EHMT2: variants seen among roughly 807,000 people sequenced by gnomAD.
EHMT2 encodes euchromatic histone lysine methyltransferase 2.
A neutral mutation model predicts 143.3 loss-of-function variants in EHMT2; 59 were observed. That is an observed-to-expected ratio of 0.41 (90% confidence interval 0.33 to 0.51). The LOEUF (loss-of-function observed/expected upper bound fraction) is 0.51, where lower values mean the gene tolerates loss of function less well. Ranked by LOEUF, EHMT2 falls within the 20% of genes least tolerant of loss-of-function variation. EHMT2 has a pLI of 0.18. For missense variants in EHMT2, 1,174 were observed against 1,645.9 expected (o/e 0.71, Z 4.96); for synonymous variants, 604 against 651.5 (o/e 0.93, Z 1.11).
chr6:31,896,324 G>A (rs766143897), exon 4 of EHMT2: 2 of 1,612,966 alleles, frequency 1.2e-6, no homozygotes, highest in Middle Eastern at 3.3e-4. Flanking sequence ...CTGTCCCTCT[G>A]GGCTCGTGGT....
Position 31,881,516 on chromosome 6 carries a change from T to A in EHMT2, c.3198-424A>T. 1 of 258,602 alleles carries A rather than the reference T, an allele frequency of 3.9e-6. No homozygotes were observed. The highest frequency in any genetic ancestry group is 5.4e-5 in the South Asian group (1 of 18,484). 16.0% of individuals were successfully genotyped at this position (258,602 alleles called of 1,614,324 possible). On this transcript the variant is annotated intron_variant, in intron 25 of 27. Transcript: ENST00000375537. This position sits in a 1 kb window ranked among gnomAD's most constrained non-coding sequence, Gnocchi z 4.8. ...GATTCGGGGCAAGAGCACCCACACA[T>A]ATCTGGACACCAGAGGGAGGAGAGG...
exon 7 of EHMT2, chr6:31,892,560 T>A (rs535586): frequency 6.2e-7 from 1 of 1,612,696 alleles, no homozygotes; most frequent in East Asian, 2.2e-5. Context: ...CTAACTCCTC[T>A]GACTAGAAAA....
Position 31,888,614 on chromosome 6 carries a change from C to G in EHMT2, c.1350G>C (p.Glu450Asp), listed in dbSNP as rs547949077. The change falls in exon 11 of 28, where the codon GAG becomes GAC. Residue 450 changes from glutamate to aspartate, a missense_variant. Coordinates refer to ENST00000375537, the Ensembl canonical transcript of EHMT2. The surrounding 1 kb of genome is among the most constrained non-coding windows in gnomAD (Gnocchi z 7.4). ...ACGGCCCCACCTCTCCGTCCACACT[C>G]TCAGTGGCCATGCACTTGTGCCCCG... The G allele has an allele frequency of 3.1e-6, 5 of 1,613,218 alleles. No homozygotes were observed. The Admixed American group carries it at 6.7e-5, about 22-fold the overall frequency.
intron 3 of EHMT2, 44 bp downstream of exon 3, chr6:31,896,562 G>A (rs1314863509): frequency 1.9e-6 from 3 of 1,600,518 alleles, no homozygotes; most frequent in Non-Finnish European, 2.6e-6. Flanking sequence ...GAAGGCAAGA[G>A]TCAGAAATTT....
In EHMT2 at chr6:31,884,359, G is replaced by C. The variant is rs1236843231; in HGVS notation, c.2771+33C>G. On this transcript the variant is annotated intron_variant, in intron 21 of 27. Coordinates refer to ENST00000375537, the Ensembl canonical transcript of EHMT2. The surrounding 1 kb of genome is among the most constrained non-coding windows in gnomAD (Gnocchi z 7.3). Reference sequence around the variant, plus strand: ...GGGAGGGTATGGGTGGGGAGGAGGTGGTCTTGGGTGCAGAGAGGGGCCCAG... The same window carrying C: ...GGGAGGGTATGGGTGGGGAGGAGGTCGTCTTGGGTGCAGAGAGGGGCCCAG... 7 of 1,591,272 alleles carry C rather than the reference G, an allele frequency of 4.4e-6. No homozygotes were observed. In the East Asian group the frequency reaches 6.7e-5, roughly 15 times the overall value.
intron 1 of EHMT2, 44 bp downstream of exon 1, chr6:31,897,591 CG>C (rs1331952057): frequency 1.8e-6 from 2 of 1,108,546 alleles, no homozygotes; most frequent in Non-Finnish European, 1.1e-6. Context: ...TTCCCCCGGG[CG>C]CGCGCGCGGG....
Position 31,883,993 on chromosome 6 carries a change from G to C in EHMT2, c.2772-43C>G. On this transcript the variant is annotated intron_variant, in intron 21 of 27. Coordinates refer to ENST00000375537, the Ensembl canonical transcript of EHMT2. The surrounding 1 kb of genome is among the most constrained non-coding windows in gnomAD (Gnocchi z 5.6). ...AAGGGGCTGGGAAGCTGGAAAAGGG[G>C]GTGAGGAGCTACTCCAGGTATAAGG... 1 of 1,604,352 alleles carries C rather than the reference G, an allele frequency of 6.2e-7. No homozygotes were observed. The highest frequency in any genetic ancestry group is 8.5e-7 in the Non-Finnish European group (1 of 1,174,218).
rs1425620398 is a variant in EHMT2 at position 31,884,334 on chromosome 6, G to A, written c.2771+58C>T. Reference sequence around the variant, plus strand: ...TGTTGTGAGGATGCAATGGAGCCTGGGGAGGGTATGGGTGGGGAGGAGGTG... The same window carrying A: ...TGTTGTGAGGATGCAATGGAGCCTGAGGAGGGTATGGGTGGGGAGGAGGTG... On this transcript the variant is annotated intron_variant, in intron 21 of 27. Transcript: ENST00000375537. This position sits in a 1 kb window ranked among gnomAD's most constrained non-coding sequence, Gnocchi z 7.3. 1.3e-6 allele frequency: 2 copies of A among 1,555,040 alleles called. No individual in the cohort carries two copies. The highest frequency in any genetic ancestry group is 1.3e-5 in the African/African-American group (1 of 74,210).
Position 31,883,259 on chromosome 6 carries a change from A to G in EHMT2, c.2994+103T>C, listed in dbSNP as rs1266963848. ...CAGTCCTCTCAGTCACTTCCCCCAC[A>G]GGGTAGGAGGTGAGGGACATGGTCC... On this transcript the variant is annotated intron_variant, in intron 23 of 27. Coordinates refer to ENST00000375537, the Ensembl canonical transcript of EHMT2. The surrounding 1 kb of genome is among the most constrained non-coding windows in gnomAD (Gnocchi z 5.6). 1 of 1,210,666 alleles carries G rather than the reference A, an allele frequency of 8.3e-7. No individual in the cohort carries two copies. Among genetic ancestry groups the G allele is most frequent in the East Asian group, 2.5e-5 (1 of 40,164 alleles). The allele number at this position is 1,210,666 out of a possible 1,614,324, so 75.0% of individuals were successfully genotyped here. A position where few individuals can be genotyped will look rare whatever the true frequency, so the allele number is the denominator to read the frequency against.
intron 1 of EHMT2, chr6:31,897,273 G>A: frequency 1.2e-6 from 1 of 840,104 alleles, no homozygotes; most frequent in East Asian, 3.4e-5. Context: ...CCTCCTCCCG[G>A]CTGCACGCGC....
At chr6:31,890,130 T>G (rs1216751013) in intron 7 of EHMT2, among the ~76,000 whole-genome samples, 1 of 152,168 alleles carries the variant, frequency 6.6e-6, no homozygotes, top group Non-Finnish European at 1.5e-5. Flanking sequence ...CCTCTAGATC[T>G]ATCAGTTTAC....
intron 18 of EHMT2, chr6:31,886,317 G>T (rs968242909): frequency 1.9e-6 from 1 of 520,964 alleles, no homozygotes; most frequent in Middle Eastern, 5.1e-4. Context: ...CACATCCAAT[G>T]TATGACAACC....
chr6:31,887,845 A>C, exon 14 of EHMT2: 3 of 1,610,710 alleles, frequency 1.9e-6, no homozygotes, highest in South Asian at 2.2e-5. Flanking sequence ...TGGCAGCCCC[A>C]CGGCTGAAAG....
At position 31,888,035 on chromosome 6, in the gene EHMT2, C is replaced by T; in HGVS notation, c.1745+6G>A. ...AACAGACAGTACAGAAGGGGGAGGC[C>T]AGTACCTGGGCTGAGAAGTGTCTGC... On this transcript the variant is annotated splice_donor_region_variant and intron_variant, in intron 13 of 27. Transcript: ENST00000375537. This position sits in a 1 kb window ranked among gnomAD's most constrained non-coding sequence, Gnocchi z 7.4. 10 of 1,574,268 alleles carry T rather than the reference C, an allele frequency of 6.4e-6. No homozygotes were observed. Among genetic ancestry groups the T allele is most frequent in the Non-Finnish European group, 8.6e-6 (10 of 1,160,598 alleles).
intron 4 of EHMT2, 34 bp from the exon 5 acceptor site, chr6:31,892,944 A>G (rs1223668407): frequency 2.0e-6 from 3 of 1,479,500 alleles, no homozygotes; most frequent in Non-Finnish European, 2.7e-6. Context: ...TGAGGGTCAG[A>G]GAGCACCTAC....
chr6:31,889,006 C>T lies in EHMT2; in HGVS notation c.1179G>A (p.Glu393=). Reference sequence around the variant, plus strand: ...GGGAGAGGGTCCCCTCGCTGGGCAGCTCCAGGGACCCCAGAGGGACCTCCA... The same window carrying T: ...GGGAGAGGGTCCCCTCGCTGGGCAGTTCCAGGGACCCCAGAGGGACCTCCA... Residue 393 remains glutamate, a synonymous_variant, in exon 10 of 28, where the codon GAG becomes GAA. Transcript: ENST00000375537. This position sits in a 1 kb window ranked among gnomAD's most constrained non-coding sequence, Gnocchi z 5.1. 1 of 1,601,408 alleles carries T rather than the reference C, an allele frequency of 6.2e-7. No homozygotes were observed.
intron 4 of EHMT2, chr6:31,896,010 A>G (rs898344498): frequency 3.7e-5 from 16 of 434,646 alleles, no homozygotes; most frequent in East Asian, 1.0e-4. Context: ...TGTCATTATC[A>G]TAAGAGTAAT....
chr6:31,895,374 A>C (rs1440137336), intron 4 of EHMT2: 2 of 152,110 alleles, frequency 1.3e-5, no homozygotes, highest in Admixed American at 1.3e-4. Context: ...TCTTTTAAAA[A>C]ATTTTTATCT....
Position 31,888,007 on chromosome 6 carries a change from G to A in EHMT2, c.1745+34C>T, listed in dbSNP as rs752406387. The A allele has an allele frequency of 2.0e-5, 32 of 1,567,972 alleles. No homozygotes were observed. Among genetic ancestry groups the A allele is most frequent in the Non-Finnish European group, 2.6e-5 (30 of 1,155,274 alleles). On this transcript the variant is annotated intron_variant, in intron 13 of 27. Coordinates refer to ENST00000375537, the Ensembl canonical transcript of EHMT2. This position sits in a 1 kb window ranked among gnomAD's most constrained non-coding sequence, Gnocchi z 7.4. ...GTCCAGGAGCAATAGGGGTGGGGGA[G>A]GGAACAGACAGTACAGAAGGGGGAG...
Sources: gnomAD v4.1 joint callset for allele counts (sites outside exome capture counted in the v4.1 genomes callset) on GRCh38, gnomAD v4.1.1 for gene constraint, Gnocchi (gnomAD v3.1) non-coding constraint, MANE v1.5 for transcripts, NCBI Gene and HGNC (gene_info 2026-07-23, HGNC 2026-07-21) for gene names.